The following IL1RAPL1 variants were observed in gnomAD, a reference collection of about 807,000 sequenced individuals.
IL1RAPL1 encodes interleukin 1 receptor accessory protein like 1.
A neutral mutation model predicts 48.4 loss-of-function variants in IL1RAPL1; 3 were observed. That is an observed-to-expected ratio of 0.06 (90% CI 0.03 to 0.16). The LOEUF is 0.16. IL1RAPL1 is among the 10% of genes least tolerant of loss of function. The probability of loss-of-function intolerance (pLI) is 1.00; values close to 1 mark genes in which losing one functional copy is unlikely to be tolerated. For synonymous variants in IL1RAPL1, 185 were observed against 187.7 expected, an observed-to-expected ratio of 0.99 and a Z score of 0.12; for missense variants, 349 against 530.6, an observed-to-expected ratio of 0.66 and a Z score of 3.36.
intron 1 of IL1RAPL1, among the ~76,000 whole-genome samples, chrX:28,736,854 C>T (rs1294642584): frequency 9.0e-6 from 1 of 111,253 alleles, no homozygotes; most frequent in African/African-American, 3.3e-5. Flanking sequence ...GAGTGTGTTG[C>T]ATGTTTATTG....
In IL1RAPL1 at chrX:29,955,552, G is replaced by A; in HGVS notation, c.1823G>A (p.Arg608His). The change falls in exon 11 of 11, where the codon CGT becomes CAT. Residue 608 changes from arginine to histidine, a missense_variant. Arg to His is a conservative substitution (Grantham distance 29). Around this residue, in one of 3 missense-constraint regions of IL1RAPL1, gnomAD observed 65 missense variants for 79.6 expected, o/e 0.82. Transcript: ENST00000378993. ...TALATAHPDL[R>H]STFHNTYHSQ... ...CTAGCCACTGCCCATCCAGATCTCC[G>A]TTCTACCTTTCACAACACGTACCAT... is the stretch of plus-strand genomic sequence containing the variant. 1 of 1,207,664 alleles carries A rather than the reference G, an allele frequency of 8.3e-7. No homozygotes were observed. Among genetic ancestry groups the A allele is most frequent in the Non-Finnish European group, 1.1e-6 (1 of 893,356 alleles).
At chrX:29,169,963 C>A in intron 2 of IL1RAPL1, among the ~76,000 whole-genome samples, 1 of 110,920 alleles carries the variant, frequency 9.0e-6, no homozygotes, top group Middle Eastern at 4.7e-3. Context: ...TACCTGATTG[C>A]ATTTCAATCC....
chrX:29,029,861 T>C (rs113107599), intron 2 of IL1RAPL1, among the ~76,000 whole-genome samples: 19 of 111,482 alleles, frequency 1.7e-4, no homozygotes, highest in African/African-American at 6.2e-4. Context: ...TAGTAGTCTT[T>C]TAATTTTGTG....
chrX:29,022,746 C>G (rs745307236), intron 2 of IL1RAPL1, among the ~76,000 whole-genome samples: 41 of 111,842 alleles, frequency 3.7e-4, no homozygotes, highest in Non-Finnish European at 6.2e-4. Flanking sequence ...TCATTTGATT[C>G]CCTGTTTCCT....
chrX:29,540,094 A>T (rs1382941370), intron 5 of IL1RAPL1, among the ~76,000 whole-genome samples: 2 of 111,887 alleles, frequency 1.8e-5, no homozygotes, highest in African/African-American at 6.5e-5. Context: ...TAAGATACAA[A>T]ACCAGTGTAC....
At chrX:29,488,655 A>T (rs113026852) in intron 5 of IL1RAPL1, among the ~76,000 whole-genome samples, 1 of 109,958 alleles carries the variant, frequency 9.1e-6, no homozygotes, top group Non-Finnish European at 1.9e-5. Flanking sequence ...ACATATAACT[A>T]TGAGAGGTGG....
At chrX:29,840,146 A>T (rs1020123290) in intron 6 of IL1RAPL1, among the ~76,000 whole-genome samples, 5 of 111,841 alleles carry the variant, frequency 4.5e-5, no homozygotes, top group African/African-American at 1.3e-4. Context: ...GTCATCTTAA[A>T]GTCGGCTTGA....
chrX:28,620,135 G>A (rs989544661), intron 1 of IL1RAPL1, among the ~76,000 whole-genome samples: 1 of 110,322 alleles, frequency 9.1e-6, no homozygotes, highest in East Asian at 2.8e-4. Context: ...TTTGACCATA[G>A]GCACTCTCTT....
intron 9 of IL1RAPL1, among the ~76,000 whole-genome samples, chrX:29,942,216 G>A (rs1248180796): frequency 2.7e-5 from 3 of 111,788 alleles, no homozygotes; most frequent in Admixed American, 9.5e-5. Flanking sequence ...AGACTGATCC[G>A]TTATAATAAA....
intron 3 of IL1RAPL1, among the ~76,000 whole-genome samples, chrX:29,324,589 T>C (rs1325887121): frequency 8.9e-6 from 1 of 111,782 alleles, no homozygotes; most frequent in Non-Finnish European, 1.9e-5. Flanking sequence ...AATTTCTTTA[T>C]GGCCAGTTCT....
At chrX:29,951,893 A>C (rs1933326686) in intron 9 of IL1RAPL1, among the ~76,000 whole-genome samples, 1 of 111,152 alleles carries the variant, frequency 9.0e-6, no homozygotes, top group South Asian at 3.8e-4. Context: ...AGGCATCTAC[A>C]CAGAAGTGAT....
chrX:29,941,352 C>G (rs1283940721), intron 8 of IL1RAPL1, among the ~76,000 whole-genome samples: 1 of 112,151 alleles, frequency 8.9e-6, no homozygotes, highest in East Asian at 2.8e-4. Flanking sequence ...ATTATAGTTT[C>G]CAATCAGATA....
intron 2 of IL1RAPL1, among the ~76,000 whole-genome samples, chrX:28,806,330 CCTT>C (rs1473047868): frequency 9.0e-6 from 1 of 111,689 alleles, no homozygotes; most frequent in Non-Finnish European, 1.9e-5. Context: ...AGATGGCACT[CCTT>C]CTTTAGCTCC....
chrX:29,306,530 G>GAAAAAAAAAAAAAAAAAAAAAAA, intron 3 of IL1RAPL1, among the ~76,000 whole-genome samples: 1 of 33,446 alleles, frequency 3.0e-5, no homozygotes, highest in Non-Finnish European at 4.6e-5. Context: ...TCTGTCAAAA[G>GAAAAAAAAAAAAAAAAAAAAAAA]AAAAAAAAAA....
intron 2 of IL1RAPL1, among the ~76,000 whole-genome samples, chrX:29,100,507 T>A (rs898089058): frequency 8.9e-6 from 1 of 111,939 alleles, no homozygotes; most frequent in African/African-American, 3.2e-5. Flanking sequence ...CTAGTTGTTA[T>A]GAAAGTCTAC....
intron 1 of IL1RAPL1, among the ~76,000 whole-genome samples, chrX:28,685,010 G>T (rs775562885): frequency 8.9e-6 from 1 of 111,784 alleles, no homozygotes; most frequent in South Asian, 3.7e-4. Flanking sequence ...TAATGGCAGA[G>T]CTTTTAACTT....
chrX:28,985,798 T>C (rs1424963476), intron 2 of IL1RAPL1, among the ~76,000 whole-genome samples: 4 of 109,524 alleles, frequency 3.7e-5, no homozygotes, highest in Non-Finnish European at 5.7e-5. Context: ...TAGCTGGGAC[T>C]ACAGGCGCCC....
At chrX:28,951,445 T>A (rs1041799414) in intron 2 of IL1RAPL1, among the ~76,000 whole-genome samples, 2 of 108,832 alleles carry the variant, frequency 1.8e-5, no homozygotes. Flanking sequence ...TCAACTACAC[T>A]TTTACATTTA....
intron 6 of IL1RAPL1, among the ~76,000 whole-genome samples, chrX:29,741,037 A>G (rs1296702961): frequency 8.9e-6 from 1 of 112,459 alleles, no homozygotes; most frequent in African/African-American, 3.2e-5. Context: ...AAAGAAATAT[A>G]CAAAAATAGT....
Sources: gnomAD v4.1 joint callset for allele counts (sites outside exome capture counted in the v4.1 genomes callset) on GRCh38, gnomAD v4.1.1 for gene constraint, gnomAD v4.1.1 regional missense constraint, MANE v1.5 for transcripts, NCBI Gene and HGNC (gene_info 2026-07-23, HGNC 2026-07-21) for gene names.